The following SLC25A44 variants were observed in gnomAD, a reference collection of about 807,000 sequenced individuals.
SLC25A44 encodes solute carrier family 25 member 44.
A neutral mutation model predicts 29.9 loss-of-function variants in SLC25A44; 17 were observed. The observed-to-expected ratio is 0.57, with a 90% confidence interval of 0.39 to 0.85. The LOEUF is 0.85. SLC25A44 is among the 40% of genes least tolerant of loss of function. The probability of loss-of-function intolerance (pLI) is 0.00; values close to 1 mark genes in which losing one functional copy is unlikely to be tolerated. For synonymous variants in SLC25A44, 140 were observed against 151.8 expected (o/e 0.92, Z 0.57); for missense variants, 302 against 398.4 (o/e 0.76, Z 2.06).
Position 156,211,441 on chromosome 1 carries a change from C to G in SLC25A44, c.*1010C>G, listed in dbSNP as rs1219778883. ...CATTACCCAGGCCAGCAGAGCCAAA[C>G]CTAGGAGAGGGCAGTGGGTAGATTC... On this transcript the variant is annotated 3_prime_UTR_variant, in exon 4 of 4. Coordinates refer to ENST00000359511, the MANE Select transcript of SLC25A44 (RefSeq NM_014655.4). The G allele has an allele frequency of 6.6e-6, 1 of 152,502 alleles. No individual in the cohort carries two copies. Among genetic ancestry groups the G allele is most frequent in the South Asian group, 2.1e-4 (1 of 4,828 alleles). 9.4% of individuals were successfully genotyped at this position (152,502 alleles called of 1,614,324 possible).
chr1:156,204,964 G>A (rs1455094180), intron 2 of SLC25A44, among the ~76,000 whole-genome samples: 1 of 152,046 alleles, frequency 6.6e-6, no homozygotes, highest in Non-Finnish European at 1.5e-5. Context: ...AGACTTGGAA[G>A]CTCTCACTTC....
chr1:156,207,224 C>A (rs1050801361), intron 2 of SLC25A44, among the ~76,000 whole-genome samples: 1 of 150,440 alleles, frequency 6.6e-6, no homozygotes, highest in Non-Finnish European at 1.5e-5. Context: ...GTCGCCCAGG[C>A]TGGAGTGCAG....
At chr1:156,204,763 C>A (rs2103045402) in intron 2 of SLC25A44, among the ~76,000 whole-genome samples, 1 of 152,208 alleles carries the variant, frequency 6.6e-6, no homozygotes, top group African/African-American at 2.4e-5. Flanking sequence ...TGTGAGCCAC[C>A]ACGCCTGGTC....
chr1:156,199,756 C>A, intron 1 of SLC25A44, 79 bp from the exon 2 acceptor site: 1 of 1,317,854 alleles, frequency 7.6e-7, no homozygotes, highest in Non-Finnish European at 1.0e-6. Flanking sequence ...GAGAATGGGC[C>A]TTCAGAGCCC....
In SLC25A44 at chr1:156,210,264, C is replaced by T; in HGVS notation, c.778C>T (p.Leu260=). 3.2e-6 allele frequency: 5 copies of T among 1,572,820 alleles called. No homozygotes were observed. The highest frequency in any genetic ancestry group is 4.3e-6 in the Non-Finnish European group (5 of 1,160,280). Residue 260 remains leucine (L), a synonymous_variant, in exon 4 of 4, where the codon CTG becomes TTG. Coordinates refer to ENST00000359511, the MANE Select transcript of SLC25A44 (RefSeq NM_014655.4). ...GGTTGAGGGCAAGAACTCCATCATC[C>T]TGACCTTCAGACAGCTGATGGCAGA... ...VQVEGKNSII[L]TFRQLMAEEG...
chr1:156,200,493 TG>T (rs1656496248), intron 2 of SLC25A44, 21 bp downstream of exon 2: 1 of 1,566,564 alleles, frequency 6.4e-7, no homozygotes. Flanking sequence ...GCCAGGACAG[TG>T]GGGGAGGAAG....
chr1:156,204,838 C>G (rs867060825), intron 2 of SLC25A44, among the ~76,000 whole-genome samples: 2 of 152,010 alleles, frequency 1.3e-5, no homozygotes, highest in African/African-American at 2.4e-5. Flanking sequence ...ACCAGTGAGG[C>G]TGAGCCACCA....
Position 156,200,441 on chromosome 1 carries a change from T to C in SLC25A44, c.594T>C (p.Ala198=). ...TGCTTACCTATATCCCAAACAGTGC[T>C]GTCTGGTGGCCCTTCTATCACTTCT... ...ASLLTYIPNS[A]VWWPFYHFYA... is the part of the protein sequence containing the mutation. The change falls in exon 2 of 4, where the codon GCT becomes GCC. Residue 198 remains alanine (A), a synonymous_variant. Transcript: ENST00000359511. 1 of 1,611,716 alleles carries C rather than the reference T, an allele frequency of 6.2e-7. No individual in the cohort carries two copies. The highest frequency in any genetic ancestry group is 8.5e-7 in the Non-Finnish European group (1 of 1,178,742).
intron 2 of SLC25A44, among the ~76,000 whole-genome samples, chr1:156,204,891 G>A (rs1384175568): frequency 6.6e-6 from 1 of 152,152 alleles, no homozygotes. Flanking sequence ...GGGGAAGAGA[G>A]TATATAAGAA....
chr1:156,202,371 A>G (rs760757260), intron 2 of SLC25A44, among the ~76,000 whole-genome samples: 3 of 152,200 alleles, frequency 2.0e-5, no homozygotes, highest in Non-Finnish European at 4.4e-5. Context: ...TGCTTACTGA[A>G]TAAAATCCAA....
chr1:156,195,037 G>T (rs1219673369), intron 1 of SLC25A44, among the ~76,000 whole-genome samples: 1 of 152,042 alleles, frequency 6.6e-6, no homozygotes, highest in African/African-American at 2.4e-5. Flanking sequence ...TTTCTGTAAT[G>T]ATAATGCTTT....
chr1:156,203,769 T>A (rs1422783503), intron 2 of SLC25A44, among the ~76,000 whole-genome samples: 2 of 143,946 alleles, frequency 1.4e-5, no homozygotes, highest in Non-Finnish European at 3.0e-5. Context: ...AGTGGCGCGA[T>A]CTCGGCTCAC....
intron 2 of SLC25A44, 21 bp downstream of exon 2, chr1:156,200,493 T>C: frequency 1.3e-6 from 2 of 1,566,564 alleles, no homozygotes; most frequent in Non-Finnish European, 8.7e-7. Flanking sequence ...GCCAGGACAG[T>C]GGGGGAGGAA....
At position 156,212,793 on chromosome 1, in the gene SLC25A44, C is replaced by T. The variant is rs983480566; in HGVS notation, c.*2362C>T. Reference sequence around the variant, plus strand: ...GTAATTAAAAGTTTTTATTGAGCCCCCGAGCTTTGGCTTGCGCGTATTTTT... The same window carrying T: ...GTAATTAAAAGTTTTTATTGAGCCCTCGAGCTTTGGCTTGCGCGTATTTTT... On this transcript the variant is annotated 3_prime_UTR_variant, in exon 4 of 4. Coordinates refer to ENST00000359511, the MANE Select transcript of SLC25A44 (RefSeq NM_014655.4). 3.1e-6 allele frequency: 2 copies of T among 651,630 alleles called. No homozygotes were observed. The highest frequency in any genetic ancestry group is 2.9e-5 in the East Asian group (1 of 34,936). The allele number at this position is 651,630 out of a possible 1,614,324, so 40.4% of individuals were successfully genotyped here.
chr1:156,201,843 T>C (rs1656603566), intron 2 of SLC25A44, among the ~76,000 whole-genome samples: 1 of 152,190 alleles, frequency 6.6e-6, no homozygotes, highest in Admixed American at 6.5e-5. Flanking sequence ...GGAGCCTGTC[T>C]TTAGCCTTCT....
At chr1:156,195,646 C>G (rs1225613773) in intron 1 of SLC25A44, among the ~76,000 whole-genome samples, 2 of 152,156 alleles carry the variant, frequency 1.3e-5, no homozygotes, top group Admixed American at 1.3e-4. Flanking sequence ...GCTTTATTAG[C>G]CCGATTCAAC....
intron 1 of SLC25A44, chr1:156,199,557 T>C: frequency 4.6e-6 from 2 of 439,172 alleles, no homozygotes; most frequent in Admixed American, 4.1e-5. Context: ...GAGGAGGCCA[T>C]GGAGCCAGGG....
At chr1:156,202,826 A>G (rs969527193) in intron 2 of SLC25A44, among the ~76,000 whole-genome samples, 7 of 152,194 alleles carry the variant, frequency 4.6e-5, no homozygotes, top group African/African-American at 1.7e-4. Context: ...GAGGGCTTGT[A>G]TATCTCATAA....
In SLC25A44 at chr1:156,212,071, C is replaced by T. The variant is rs1212250623; in HGVS notation, c.*1640C>T. The T allele has an allele frequency of 1.3e-5, 2 of 152,820 alleles. No homozygotes were observed. The highest frequency in any genetic ancestry group is 4.8e-5 in the African/African-American group (2 of 41,450). 9.5% of individuals were successfully genotyped at this position (152,820 alleles called of 1,614,324 possible). On this transcript the variant is annotated 3_prime_UTR_variant, in exon 4 of 4. Transcript: ENST00000359511. Reference sequence around the variant, plus strand: ...TCTTATTTTTGTTTATCCCTTCCTGCACTTTGTCAAGAGAGTCCTCCAGTT... The same window carrying T: ...TCTTATTTTTGTTTATCCCTTCCTGTACTTTGTCAAGAGAGTCCTCCAGTT...
Sources: allele counts gnomAD v4.1 joint callset (sites outside exome capture counted in the v4.1 genomes callset), GRCh38; gene constraint gnomAD v4.1.1; transcripts MANE v1.5; gene names NCBI Gene and HGNC (gene_info 2026-07-23, HGNC 2026-07-21).